Variants in KTN1 observed in about 807,000 individuals in gnomAD.
The protein encoded by KTN1 is kinectin.
KTN1 carries 130 observed loss-of-function variants against 222.5 expected under a neutral mutation model. That is an observed-to-expected ratio of 0.58 (90% CI 0.51 to 0.68). The LOEUF (loss-of-function observed/expected upper bound fraction) is 0.68. Ranked by LOEUF, KTN1 falls within the 30% of genes least tolerant of loss-of-function variation. The pLI is 0.00. For missense variants in KTN1, 1,508 were observed against 1,500.4 expected, an observed-to-expected ratio of 1.01 and a Z score of -0.08; for synonymous variants, 512 against 496.3, an observed-to-expected ratio of 1.03 and a Z score of -0.42.
At chr14:55,620,583 C>T (rs1027247625) in intron 5 of KTN1, among the ~76,000 whole-genome samples, 3 of 152,188 alleles carry the variant, frequency 2.0e-5, no homozygotes, top group East Asian at 1.9e-4. Context: ...TTCAACACTA[C>T]GTTGAAGCTG....
At chr14:55,619,123 G>A (rs1398205531) in intron 4 of KTN1, 59 bp from the exon 5 acceptor site, 5 of 1,390,388 alleles carry the variant, frequency 3.6e-6, no homozygotes, top group African/African-American at 1.4e-5. Context: ...CTTTGCTGAA[G>A]TTATTATTTG....
At chr14:55,650,991 C>T (rs532602939) in intron 24 of KTN1, among the ~76,000 whole-genome samples, 1 of 152,190 alleles carries the variant, frequency 6.6e-6, no homozygotes, top group African/African-American at 2.4e-5. Context: ...ATATACATTG[C>T]TCTATCTCTG....
chr14:55,580,271 G>T lies in KTN1; in HGVS notation c.-114G>T. 6.4e-6 allele frequency: 1 copy of T among 156,936 alleles called. No individual in the cohort carries two copies. The highest frequency in any genetic ancestry group is 1.8e-4 in the South Asian group (1 of 5,658). 9.7% of individuals were successfully genotyped at this position (156,936 alleles called of 1,614,324 possible). A position where few individuals can be genotyped will look rare whatever the true frequency, so the allele number is the denominator to read the frequency against. ...GAGCGACTGCGGCGGCGGCGGCGGC[G>T]GCGGCGGCGCCTCGGAGCGGGCGGC... On this transcript the variant is annotated 5_prime_UTR_variant, in exon 1 of 44. Transcript: ENST00000395314.
intron 34 of KTN1, among the ~76,000 whole-genome samples, chr14:55,669,065 AT>A (rs951359190): frequency 3.3e-5 from 5 of 150,750 alleles, no homozygotes; most frequent in Admixed American, 6.6e-5. Context: ...AATATATTCA[AT>A]TTTTTTTTCT....
chr14:55,630,199 A>G (rs923631989), intron 7 of KTN1, 102 bp downstream of exon 7: 12 of 1,017,500 alleles, frequency 1.2e-5, no homozygotes, highest in South Asian at 2.8e-5. Flanking sequence ...TGGGCCATCA[A>G]CATACAGTGG....
intron 1 of KTN1, among the ~76,000 whole-genome samples, chr14:55,598,185 C>T (rs2035356194): frequency 6.6e-6 from 1 of 152,064 alleles, no homozygotes; most frequent in Non-Finnish European, 1.5e-5. Flanking sequence ...CCTGTAATCC[C>T]AGCACTTTGG....
chr14:55,672,609 T>G (rs760216933), intron 37 of KTN1, 21 bp from the exon 38 acceptor site: 1 of 1,523,812 alleles, frequency 6.6e-7, no homozygotes, highest in African/African-American at 1.4e-5. Context: ...TACTTGGCCA[T>G]GTAATTGTTT....
intron 41 of KTN1, among the ~76,000 whole-genome samples, chr14:55,677,936 G>C (rs1014764938): frequency 4.6e-5 from 7 of 152,192 alleles, no homozygotes; most frequent in Admixed American, 3.3e-4. Flanking sequence ...GACCTCAGGT[G>C]ATCCGCCCGC....
chr14:55,627,428 A>G (rs962259869), intron 5 of KTN1, among the ~76,000 whole-genome samples: 3 of 151,948 alleles, frequency 2.0e-5, no homozygotes, highest in African/African-American at 7.2e-5. Flanking sequence ...TTTTTTTTTA[A>G]TCTTAGCACC....
At chr14:55,599,929 A>G (rs946055256) in intron 1 of KTN1, among the ~76,000 whole-genome samples, 1 of 152,024 alleles carries the variant, frequency 6.6e-6, no homozygotes, top group Non-Finnish European at 1.5e-5. Flanking sequence ...TTGAAATGGC[A>G]CTGTGATAAT....
intron 5 of KTN1, among the ~76,000 whole-genome samples, chr14:55,625,111 T>C (rs1452474711): frequency 6.6e-6 from 1 of 152,110 alleles, no homozygotes; most frequent in Non-Finnish European, 1.5e-5. Flanking sequence ...GAGTCAGACT[T>C]CCCAAATTCC....
At chr14:55,660,955 T>C (rs553271944) in intron 31 of KTN1, among the ~76,000 whole-genome samples, 5 of 152,328 alleles carry the variant, frequency 3.3e-5, no homozygotes, top group African/African-American at 9.6e-5. Flanking sequence ...CCAGCCACTC[T>C]CAACTATAAC....
chr14:55,640,658 TTA>T (rs1179951683), intron 15 of KTN1, among the ~76,000 whole-genome samples: 6 of 151,994 alleles, frequency 3.9e-5, no homozygotes. Context: ...GCAGTTAAAA[TTA>T]TCTTACTATG....
At chr14:55,633,780 T>C (rs1164729986) in intron 8 of KTN1, among the ~76,000 whole-genome samples, 1 of 152,110 alleles carries the variant, frequency 6.6e-6, no homozygotes, top group African/African-American at 2.4e-5. Context: ...GGTGTATTCT[T>C]GAGTCCTCCC....
chr14:55,677,473 TAAAAAAAAAAAAAA>T (rs72424779), intron 41 of KTN1, among the ~76,000 whole-genome samples: 3 of 98,338 alleles, frequency 3.1e-5, no homozygotes, highest in South Asian at 2.8e-4. Flanking sequence ...AAAGACTGTC[TAAAAAAAAAAAAAA>T]AAAAAAAAGT....
At chr14:55,680,809 T>G (rs2141423100) in intron 43 of KTN1, 1 of 812,832 alleles carries the variant, frequency 1.2e-6, no homozygotes, top group Non-Finnish European at 1.9e-6. Context: ...TCAACAAAAG[T>G]AATTAAGCCT....
chr14:55,672,896 A>G (rs1566848381), intron 38 of KTN1, 33 bp from the exon 39 acceptor site: 3 of 1,538,236 alleles, frequency 2.0e-6, no homozygotes, highest in Non-Finnish European at 2.7e-6. Context: ...GGAAATTTTA[A>G]GTGTGTTAAC....
At chr14:55,610,531 T>C (rs2037389816) in intron 1 of KTN1, among the ~76,000 whole-genome samples, 1 of 152,208 alleles carries the variant, frequency 6.6e-6, no homozygotes, top group South Asian at 2.1e-4. Context: ...TTGGTTTCTT[T>C]ATCTAATCAT....
intron 1 of KTN1, among the ~76,000 whole-genome samples, chr14:55,581,904 TC>T (rs1217876398): frequency 3.3e-5 from 5 of 150,466 alleles, no homozygotes; most frequent in Non-Finnish European, 4.5e-5. Flanking sequence ...TTTTTTTTTT[TC>T]CTTTTTCCTT....
Sources: gnomAD v4.1 joint callset for allele counts (sites outside exome capture counted in the v4.1 genomes callset) on GRCh38, gnomAD v4.1.1 for gene constraint, MANE v1.5 for transcripts, NCBI Gene and HGNC (gene_info 2026-07-23, HGNC 2026-07-21) for gene names.